Variants in TXNDC11 observed in about 807,000 individuals in gnomAD.
TXNDC11 encodes the protein thioredoxin domain containing 11, also known as thioredoxin domain-containing protein 11.
In TXNDC11, 68 loss-of-function variants were observed where a neutral mutation model predicts 78.0. The ratio of observed to expected loss-of-function variants is 0.87; its 90% CI spans 0.72 to 1.07. The LOEUF (loss-of-function observed/expected upper bound fraction) is 1.07. Among genes scored for constraint, TXNDC11 ranks in the 50% least tolerant of loss-of-function variants. TXNDC11 has a pLI of 0.00. For missense variants in TXNDC11, 1,389 were observed against 1,221.8 expected (o/e 1.14, Z -2.04); for synonymous variants, 571 against 495.2 (o/e 1.15, Z -2.03).
In TXNDC11 at chr16:11,742,571, C is replaced by A; in HGVS notation, c.160G>T (p.Gly54Cys). 6.9e-7 allele frequency: 1 copy of A among 1,457,746 alleles called. No homozygotes were observed. Among genetic ancestry groups the A allele is most frequent in the Non-Finnish European group, 9.0e-7 (1 of 1,111,216 alleles). The allele number at this position is 1,457,746 out of a possible 1,614,324, so 90.3% of individuals were successfully genotyped here. The change falls in exon 1 of 12, where the codon GGC (glycine) becomes TGC (cysteine). Residue 54 changes from glycine to cysteine, a missense_variant. Coordinates refer to ENST00000283033, the MANE Select transcript of TXNDC11 (RefSeq NM_015914.7). ...CGCTGGCGCGCCATGAGGAAGGCGC[C>A]ACGCAGCCCGCGACGGAGCCGGCCC... ...SAGRLRRGLRGAFLMARQRPE... is the reference protein window; with the variant it reads ...SAGRLRRGLRCAFLMARQRPE...
chr16:11,679,181 T>A lies in TXNDC11; in HGVS notation c.*14A>T, dbSNP rs746114850. 1 of 1,610,090 alleles carries A rather than the reference T, an allele frequency of 6.2e-7. No homozygotes were observed. Among genetic ancestry groups the A allele is most frequent in the Non-Finnish European group, 8.5e-7 (1 of 1,179,008 alleles). ...ACAATTTTCACCTCTGATTTCTTCA[T>A]ATCATTTAAAAAGTTAGTCTGTCCT... On this transcript the variant is annotated 3_prime_UTR_variant, in exon 12 of 12. Transcript: ENST00000283033. The surrounding 1 kb of genome is among the most constrained non-coding windows in gnomAD (Gnocchi z 4.6).
chr16:11,703,350 A>G (rs2051086636), intron 5 of TXNDC11, among the ~76,000 whole-genome samples: 2 of 152,204 alleles, frequency 1.3e-5, no homozygotes, highest in Admixed American at 1.3e-4. Flanking sequence ...TGAAACTATG[A>G]ACTTATTTAC....
At chr16:11,713,369 A>G (rs1293685382) in intron 5 of TXNDC11, among the ~76,000 whole-genome samples, 1 of 152,064 alleles carries the variant, frequency 6.6e-6, no homozygotes, top group Admixed American at 6.5e-5. Context: ...AATAATGTCA[A>G]CTGAATTAAA....
In TXNDC11 at chr16:11,687,924, G is replaced by C; in HGVS notation, c.2086C>G (p.Pro696Ala). ...LYYAPWCGFC[P>A]SLNHIFIQLA... The stretch of plus-strand genomic sequence containing the variant: ...TGGATGAAGATGTGATTGAGGGATG[G>C]ACAGAAGCCGCACCACGGAGCGTAA... The change falls in exon 10 of 12, where the codon CCA becomes GCA. Residue 696 changes from proline to alanine, a missense_variant. Coordinates refer to ENST00000283033, the MANE Select transcript of TXNDC11 (RefSeq NM_015914.7). The C allele has an allele frequency of 6.2e-7, 1 of 1,613,946 alleles. No homozygotes were observed. Among genetic ancestry groups the C allele is most frequent in the Non-Finnish European group, 8.5e-7 (1 of 1,179,936 alleles).
At chr16:11,703,743 T>C (rs1158831233) in intron 5 of TXNDC11, 6 of 701,244 alleles carry the variant, frequency 8.6e-6, no homozygotes, top group South Asian at 1.5e-5. Flanking sequence ...AAGAGGTTGA[T>C]TCCAGAGCTG....
chr16:11,706,101 C>T (rs2051172338), intron 5 of TXNDC11, among the ~76,000 whole-genome samples: 1 of 152,078 alleles, frequency 6.6e-6, no homozygotes, highest in African/African-American at 2.4e-5. Context: ...CTGCAGTATC[C>T]CATTCGATTA....
chr16:11,731,749 C>T (rs1338127863), intron 3 of TXNDC11, among the ~76,000 whole-genome samples: 1 of 151,906 alleles, frequency 6.6e-6, no homozygotes, highest in African/African-American at 2.4e-5. Context: ...TCCATGTGCA[C>T]TGCAGAATGA....
Position 11,684,088 on chromosome 16 carries a change from C to A in TXNDC11, c.2234+77G>T, listed in dbSNP as rs551290535. 309 of 1,023,404 alleles carry A rather than the reference C, an allele frequency of 3.0e-4. 1 individual carries two copies. The highest frequency in any genetic ancestry group is 4.4e-4 in the Non-Finnish European group (292 of 657,422). 63.4% of individuals were successfully genotyped at this position (1,023,404 alleles called of 1,614,324 possible). On this transcript the variant is annotated intron_variant, in intron 11 of 11. Coordinates refer to ENST00000283033, the MANE Select transcript of TXNDC11 (RefSeq NM_015914.7). ...TTTTTTGAACATAATGAATGATTTA[C>A]ATCTTAAACCCATTTCATTTTCAGA... is the stretch of plus-strand genomic sequence containing the variant.
At position 11,723,891 on chromosome 16, in the gene TXNDC11, A is replaced by G. The variant is rs1215355667; in HGVS notation, c.700-2221T>C. 4.6e-5 allele frequency among the ~76,000 whole-genome samples: 7 copies of G among 152,380 alleles called. No homozygotes were observed. The South Asian group carries it at 1.4e-3, about 32-fold the overall frequency. On this transcript the variant is annotated intron_variant, in intron 4 of 11. Transcript: ENST00000283033. ...TAAGTGTTCTTAAATGGATACAGAA[A>G]TTCATGGAAAGATTCTTAAAATATT...
chr16:11,695,691 G>A (rs565073142), intron 7 of TXNDC11, among the ~76,000 whole-genome samples: 7 of 152,230 alleles, frequency 4.6e-5, no homozygotes, highest in East Asian at 1.9e-4. Flanking sequence ...CCAGAAAAAC[G>A]TTCGTAATGA....
intron 5 of TXNDC11, among the ~76,000 whole-genome samples, chr16:11,701,282 G>A (rs981089284): frequency 5.9e-5 from 9 of 151,632 alleles, no homozygotes; most frequent in African/African-American, 9.7e-5. Context: ...AATTACAGGC[G>A]TGTGCCACCA....
At chr16:11,700,315 C>A in intron 6 of TXNDC11, 137 bp downstream of exon 6, 1 of 450,938 alleles carries the variant, frequency 2.2e-6, no homozygotes, top group Non-Finnish European at 4.0e-6. Context: ...GCTGTAAGAA[C>A]TCTCCATCCA....
In TXNDC11 at chr16:11,742,457, C is replaced by T; in HGVS notation, c.254+20G>A. ...CAAGGGGAGCGCCCTAGCGGGGCCC[C>T]AGGGTCCGGGCCGCCTCACCTGCAG... is the stretch of plus-strand genomic sequence containing the variant. On this transcript the variant is annotated intron_variant, in intron 1 of 11. Coordinates refer to ENST00000283033, the MANE Select transcript of TXNDC11 (RefSeq NM_015914.7). The T allele has an allele frequency of 1.4e-6, 2 of 1,394,472 alleles. No homozygotes were observed. The highest frequency in any genetic ancestry group is 1.8e-6 in the Non-Finnish European group (2 of 1,083,568). 86.4% of individuals were successfully genotyped at this position (1,394,472 alleles called of 1,614,324 possible).
chr16:11,705,128 C>A lies in TXNDC11; in HGVS notation c.794-4564G>T, dbSNP rs547442351. Among the ~76,000 whole-genome samples, 28 of 152,228 alleles carry A rather than the reference C, an allele frequency of 1.8e-4. 1 individual carries two copies. The highest frequency in any genetic ancestry group is 6.5e-4 in the African/African-American group (27 of 41,528). Reference sequence around the variant, plus strand: ...GCCAGGATGATCTCGAACTCCTAACCTCAAGTGATCCACCTGGCCTCAGCC... The same window carrying A: ...GCCAGGATGATCTCGAACTCCTAACATCAAGTGATCCACCTGGCCTCAGCC... On this transcript the variant is annotated intron_variant, in intron 5 of 11. Transcript: ENST00000283033.
At chr16:11,742,267 AC>A in intron 1 of TXNDC11, 1 of 456,210 alleles carries the variant, frequency 2.2e-6, no homozygotes, top group East Asian at 3.7e-5. Context: ...GCAGGGCTCC[AC>A]CCGGAAGCCT....
intron 4 of TXNDC11, among the ~76,000 whole-genome samples, chr16:11,723,783 C>T (rs1294682264): frequency 3.9e-5 from 6 of 152,250 alleles, no homozygotes; most frequent in South Asian, 4.1e-4. Context: ...CTAAAAGATT[C>T]CCGAGCCTTT....
chr16:11,726,601 AT>A (rs2051887046), intron 4 of TXNDC11, among the ~76,000 whole-genome samples: 2 of 141,764 alleles, frequency 1.4e-5, no homozygotes, highest in African/African-American at 2.6e-5. Flanking sequence ...AAAAAAAAAA[AT>A]TTCCACTCTA....
intron 10 of TXNDC11, among the ~76,000 whole-genome samples, chr16:11,686,110 C>T (rs1472555094): frequency 1.3e-5 from 2 of 152,138 alleles, no homozygotes; most frequent in African/African-American, 2.4e-5. Flanking sequence ...AGGCACGTGC[C>T]GCCACACTTG....
At chr16:11,709,692 C>G (rs1449857013) in intron 5 of TXNDC11, among the ~76,000 whole-genome samples, 1 of 151,952 alleles carries the variant, frequency 6.6e-6, no homozygotes, top group Non-Finnish European at 1.5e-5. Context: ...GCCTCGGCCT[C>G]CCAAAGTGCT....
Sources: gnomAD v4.1 joint callset for allele counts (sites outside exome capture counted in the v4.1 genomes callset) on GRCh38, gnomAD v4.1.1 for gene constraint, Gnocchi (gnomAD v3.1) non-coding constraint, MANE v1.5 for transcripts, NCBI Gene and HGNC (gene_info 2026-07-23, HGNC 2026-07-21) for gene names.